Variants in OXCT1 observed in about 807,000 individuals in gnomAD.
OXCT1 encodes succinyl-CoA:3-ketoacid coenzyme A transferase 1, mitochondrial.
In OXCT1, 27 loss-of-function variants were observed where a neutral mutation model predicts 69.6. The observed-to-expected ratio is 0.39, with a 90% CI of 0.29 to 0.54. OXCT1 has a LOEUF of 0.54. Ranked by LOEUF, OXCT1 falls within the 20% of genes least tolerant of loss-of-function variation. The probability of loss-of-function intolerance (pLI) is 0.72; values close to 1 mark genes in which losing one functional copy is unlikely to be tolerated. For synonymous variants in OXCT1, 202 were observed against 217.8 expected (o/e 0.93, Z 0.64); for missense variants, 437 against 650.2 (o/e 0.67, Z 3.57).
intron 15 of OXCT1, among the ~76,000 whole-genome samples, chr5:41,740,883 T>C (rs1478899040): frequency 6.6e-6 from 1 of 152,146 alleles, no homozygotes; most frequent in African/African-American, 2.4e-5. Flanking sequence ...ACTAAAATGT[T>C]ATGCATCCCA....
chr5:41,847,176 C>A (rs1283103585), intron 5 of OXCT1, among the ~76,000 whole-genome samples: 1 of 151,752 alleles, frequency 6.6e-6, no homozygotes, highest in African/African-American at 2.4e-5. Context: ...ACTAGAAAAT[C>A]TAGAAGAAAT....
At chr5:41,743,034 G>T (rs547087333) in intron 15 of OXCT1, among the ~76,000 whole-genome samples, 12 of 152,258 alleles carry the variant, frequency 7.9e-5, no homozygotes, top group African/African-American at 2.9e-4. Flanking sequence ...TCTAATTCTA[G>T]ATCCTTGAGG....
intron 13 of OXCT1, among the ~76,000 whole-genome samples, chr5:41,766,657 A>C (rs539014885): frequency 6.0e-4 from 91 of 152,158 alleles, no homozygotes; most frequent in African/African-American, 2.1e-3. Flanking sequence ...AAAAAGGAAA[A>C]ATGAATGCAT....
intron 5 of OXCT1, among the ~76,000 whole-genome samples, chr5:41,848,016 T>G (rs1480503121): frequency 1.3e-4 from 19 of 149,044 alleles, no homozygotes; most frequent in African/African-American, 4.7e-4. Context: ...GACATGATTG[T>G]ATATCTAGAA....
chr5:41,826,806 T>C (rs923206319), intron 7 of OXCT1, among the ~76,000 whole-genome samples: 12 of 152,142 alleles, frequency 7.9e-5, no homozygotes, highest in Non-Finnish European at 1.0e-4. Context: ...TATATCCATC[T>C]GCACCTGCGT....
intron 14 of OXCT1, among the ~76,000 whole-genome samples, chr5:41,759,270 T>A (rs1441060265): frequency 1.3e-5 from 2 of 151,962 alleles, no homozygotes; most frequent in African/African-American, 4.8e-5. Context: ...TATCTCAACC[T>A]TACTTCAGAG....
chr5:41,847,143 T>C (rs1490251101), intron 5 of OXCT1, among the ~76,000 whole-genome samples: 2 of 151,832 alleles, frequency 1.3e-5, no homozygotes, highest in African/African-American at 4.8e-5. Flanking sequence ...CAGAGAATAC[T>C]ACAAACACCT....
intron 5 of OXCT1, among the ~76,000 whole-genome samples, chr5:41,844,929 C>T (rs888938766): frequency 1.3e-5 from 2 of 148,206 alleles, no homozygotes; most frequent in South Asian, 4.3e-4. Context: ...TGCTTCTGCT[C>T]TTGGCTTCCT....
chr5:41,782,412 C>T (rs1745451371), intron 13 of OXCT1, among the ~76,000 whole-genome samples: 1 of 152,012 alleles, frequency 6.6e-6, no homozygotes, highest in South Asian at 2.1e-4. Context: ...TCGGGTTTCA[C>T]TGTGTTGGCC....
At chr5:41,816,803 T>C (rs1157265940) in intron 7 of OXCT1, among the ~76,000 whole-genome samples, 6 of 152,178 alleles carry the variant, frequency 3.9e-5, no homozygotes, top group African/African-American at 7.2e-5. Context: ...TGGTCTCATA[T>C]GAAAAATGTT....
At chr5:41,765,950 G>A (rs1744577160) in intron 13 of OXCT1, among the ~76,000 whole-genome samples, 1 of 152,076 alleles carries the variant, frequency 6.6e-6, no homozygotes, top group Non-Finnish European at 1.5e-5. Flanking sequence ...AGATTAAGGA[G>A]CTAAAAATAT....
rs192035832 is a variant in OXCT1 at position 41,849,983 on chromosome 5, C to T, written c.564+47G>A. The stretch of plus-strand genomic sequence containing the variant: ...GCCCAATGATCCACCCAAAATCCCA[C>T]GTGGAAAGAGGGATCCTGGTATAAT... On this transcript the variant is annotated intron_variant, in intron 5 of 16. Transcript: ENST00000196371. 6,289 of 1,602,446 alleles carry T rather than the reference C, an allele frequency of 3.9e-3. 16 individuals carry two copies. The highest frequency in any genetic ancestry group is 4.9e-3 in the Non-Finnish European group (5,676 of 1,169,616).
chr5:41,767,512 T>C (rs1462984534), intron 13 of OXCT1, among the ~76,000 whole-genome samples: 2 of 151,592 alleles, frequency 1.3e-5, no homozygotes, highest in African/African-American at 4.8e-5. Context: ...CTCTATGTCA[T>C]CAATTAGCCC....
At chr5:41,826,704 C>T (rs1345561176) in intron 7 of OXCT1, among the ~76,000 whole-genome samples, 1 of 152,118 alleles carries the variant, frequency 6.6e-6, no homozygotes, top group African/African-American at 2.4e-5. Flanking sequence ...CCTAAGTGAT[C>T]TTTTCCATTC....
In OXCT1 at chr5:41,800,923, G is replaced by C. The variant is rs1428286240; in HGVS notation, c.1099+99C>G. The C allele has an allele frequency of 3.1e-6, 3 of 982,022 alleles. No homozygotes were observed. The East Asian group carries it at 7.2e-5, about 24-fold the overall frequency. The allele number at this position is 982,022 out of a possible 1,614,324, so 60.8% of individuals were successfully genotyped here. On this transcript the variant is annotated intron_variant, in intron 11 of 16. Transcript: ENST00000196371. ...TCTCCTCCTCAACAATGAATACCATGGAGTGCTCTCCAGGAAAAGACAAAG... is the reference window on the plus strand; with the variant it reads ...TCTCCTCCTCAACAATGAATACCATCGAGTGCTCTCCAGGAAAAGACAAAG...
chr5:41,760,882 T>G (rs1026066765), intron 14 of OXCT1, among the ~76,000 whole-genome samples: 1 of 152,094 alleles, frequency 6.6e-6, no homozygotes, highest in Non-Finnish European at 1.5e-5. Context: ...CACAACAAAA[T>G]CATTTTGTGG....
intron 10 of OXCT1, among the ~76,000 whole-genome samples, chr5:41,802,130 G>T (rs150686585): frequency 0.017 from 2,532 of 152,118 alleles, 34 homozygotes; most frequent in Non-Finnish European, 0.026. Context: ...CCTTAAAAAT[G>T]CAAGTCTTTA....
At chr5:41,804,126 T>C (rs1746555729) in intron 9 of OXCT1, among the ~76,000 whole-genome samples, 1 of 152,132 alleles carries the variant, frequency 6.6e-6, no homozygotes, top group African/African-American at 2.4e-5. Flanking sequence ...TTCTTGTGGA[T>C]AGAGTAAATC....
chr5:41,840,845 A>G (rs1748597293), intron 6 of OXCT1, among the ~76,000 whole-genome samples: 1 of 152,212 alleles, frequency 6.6e-6, no homozygotes, highest in Non-Finnish European at 1.5e-5. Context: ...TCTTTTAACA[A>G]GTATGCTTTG....
Sources: gnomAD v4.1 joint callset for allele counts (sites outside exome capture counted in the v4.1 genomes callset) on GRCh38, gnomAD v4.1.1 for gene constraint, MANE v1.5 for transcripts, NCBI Gene and HGNC (gene_info 2026-07-23, HGNC 2026-07-21) for gene names.